RRN3: variants seen among roughly 807,000 people sequenced by gnomAD.
RRN3 encodes the protein RNA polymerase I-specific transcription initiation factor RRN3.
Under a neutral mutation model 82.3 loss-of-function variants are expected in RRN3, and 38 were observed. That is an observed-to-expected ratio of 0.46 (90% CI 0.36 to 0.61). RRN3 has a LOEUF of 0.61. Among genes scored for constraint, RRN3 ranks in the 20% least tolerant of loss-of-function variants. The pLI, the probability that RRN3 is intolerant of heterozygous loss-of-function variation, is 0.00. For synonymous variants in RRN3, 284 were observed against 284.3 expected, an observed-to-expected ratio of 1.00 and a Z score of 0.01; for missense variants, 726 against 793.1, an observed-to-expected ratio of 0.92 and a Z score of 1.02.
chr16:15,063,533 C>A (rs1490043209), intron 16 of RRN3, among the ~76,000 whole-genome samples: 1 of 151,582 alleles, frequency 6.6e-6, no homozygotes, highest in Admixed American at 6.6e-5. Flanking sequence ...ACGGTGAAAC[C>A]CCATCTCTAC....
chr16:15,062,298 CG>C (rs2044746997), intron 17 of RRN3, among the ~76,000 whole-genome samples: 1 of 152,162 alleles, frequency 6.6e-6, no homozygotes, highest in Admixed American at 6.5e-5. Flanking sequence ...GGAAACATGA[CG>C]AGTCATTCTT....
rs767771702 is a variant in RRN3 at position 15,085,603 on chromosome 16, C to T, written c.532+36G>A. 8.7e-6 allele frequency: 14 copies of T among 1,602,546 alleles called. No homozygotes were observed. The African/African-American group carries it at 9.4e-5, about 11-fold the overall frequency. ...AAAGTGCTGGGATTATGGGTGAAAG[C>T]TACTGTGCCCAGGCTTTAAACCTTT... is the stretch of plus-strand genomic sequence containing the variant. On this transcript the variant is annotated intron_variant, in intron 6 of 17. Coordinates refer to ENST00000198767, the MANE Select transcript of RRN3 (RefSeq NM_018427.5).
At chr16:15,093,340 A>G (rs1308149851) in intron 1 of RRN3, among the ~76,000 whole-genome samples, 2 of 152,210 alleles carry the variant, frequency 1.3e-5, no homozygotes, top group African/African-American at 4.8e-5. Flanking sequence ...AGCTCAAATG[A>G]CAGATGTCTT....
At chr16:15,076,678 T>G in intron 9 of RRN3, 28 bp from the exon 10 acceptor site, 2 of 1,437,896 alleles carry the variant, frequency 1.4e-6, no homozygotes, top group Non-Finnish European at 2.0e-6. Flanking sequence ...AAAAAAAGAA[T>G]AAAAGGATTT....
chr16:15,071,455 C>A (rs1273924614), intron 12 of RRN3, among the ~76,000 whole-genome samples: 1 of 152,140 alleles, frequency 6.6e-6, no homozygotes, highest in Non-Finnish European at 1.5e-5. Flanking sequence ...CAGTGGATCC[C>A]AAACCTAGCT....
intron 16 of RRN3, among the ~76,000 whole-genome samples, chr16:15,063,851 T>G (rs1047317435): frequency 6.6e-6 from 1 of 152,218 alleles, no homozygotes; most frequent in African/African-American, 2.4e-5. Flanking sequence ...TCCATTTTCA[T>G]GTGAAATTGT....
Position 15,061,770 on chromosome 16 carries a change from A to G in RRN3, c.1930T>C (p.Leu644=), listed in dbSNP as rs1159883441. 1.2e-6 allele frequency: 2 copies of G among 1,613,852 alleles called. No homozygotes were observed. The highest frequency in any genetic ancestry group is 1.7e-6 in the Non-Finnish European group (2 of 1,179,810). Residue 644 remains leucine, a synonymous_variant, in exon 18 of 18, where the codon TTG becomes CTG. Transcript: ENST00000198767. The part of the protein sequence containing the change: ...PSSSVGSPPV[L]YMQPSPL ...CAGAGGGGACTGGGTTGCATGTACA[A>G]CACGGGTGGGGAGCCCACACTACTT...
Position 15,083,564 on chromosome 16 carries a change from C to T in RRN3, c.615G>A (p.Met205Ile). The part of the protein sequence containing the change: ...RYVPSTPWFL[M>I]PILVEKFPFV... ...ATGGAAATTTTTCCACCAGTATTGG[C>T]ATGAGAAACCACGGTGTCCTATTTT... Residue 205 changes from methionine (M) to isoleucine (I), a missense_variant, in exon 8 of 18, where the codon ATG becomes ATA. Met to Ile is a conservative substitution (Grantham distance 10). Around this residue, in one of 4 missense-constraint regions of RRN3, gnomAD observed 344 missense variants for 394.5 expected, o/e 0.87. Transcript: ENST00000198767. 3 of 1,608,896 alleles carry T rather than the reference C, an allele frequency of 1.9e-6. No individual in the cohort carries two copies. The African/African-American group carries it at 4.0e-5, about 22-fold the overall frequency.
chr16:15,060,028 G>A, downstream of RRN3: 2 of 168,070 alleles, frequency 1.2e-5, no homozygotes, highest in Non-Finnish European at 2.6e-5. Context: ...GAAATTGAAA[G>A]AACATGTATT....
chr16:15,086,603 GA>G lies in RRN3; in HGVS notation c.253-150del, dbSNP rs2045924583. On this transcript the variant is annotated intron_variant, in intron 3 of 17. Coordinates refer to ENST00000198767, the MANE Select transcript of RRN3 (RefSeq NM_018427.5). ...GAACTCAAAACTGGGTATTAAAACA[GA>G]AAAAGATGTCACAATAAATTACTTA... 7 of 1,182,700 alleles carry G rather than the reference GA, an allele frequency of 5.9e-6. No individual in the cohort carries two copies. The South Asian group carries it at 9.5e-5, about 16-fold the overall frequency. 73.3% of individuals were successfully genotyped at this position (1,182,700 alleles called of 1,614,324 possible). A position where few individuals can be genotyped will look rare whatever the true frequency, so the allele number is the denominator to read the frequency against.
intron 8 of RRN3, among the ~76,000 whole-genome samples, chr16:15,081,264 T>C (rs959829518): frequency 5.9e-5 from 9 of 152,220 alleles, no homozygotes; most frequent in African/African-American, 2.2e-4. Flanking sequence ...ACGTGTTAAT[T>C]CTACATTTAA....
chr16:15,083,140 TCACTAATCCCAG>T (rs1358054542), intron 8 of RRN3, among the ~76,000 whole-genome samples: 1 of 152,154 alleles, frequency 6.6e-6, no homozygotes, highest in Non-Finnish European at 1.5e-5. Context: ...GCACAGTGGT[TCACTAATCCCAG>T]CACTTTGGGA....
chr16:15,064,489 C>T (rs2941258), intron 16 of RRN3, among the ~76,000 whole-genome samples: 118,048 of 152,126 alleles, frequency 0.78, 47,058 homozygotes, highest in Admixed American at 0.87. Flanking sequence ...GTTTGTTTTT[C>T]GTTTATCCTG....
chr16:15,064,466 C>G (rs1383657650), intron 16 of RRN3, among the ~76,000 whole-genome samples: 1 of 152,150 alleles, frequency 6.6e-6, no homozygotes, highest in Non-Finnish European at 1.5e-5. Flanking sequence ...TGAGCCATTA[C>G]GCCCAGCCAA....
intron 11 of RRN3, among the ~76,000 whole-genome samples, 181 bp from the exon 12 acceptor site, chr16:15,073,261 G>T (rs1365851380): frequency 6.6e-6 from 1 of 152,130 alleles, no homozygotes; most frequent in African/African-American, 2.4e-5. Context: ...GAGTTCAAGG[G>T]CAGCCTGGGG....
chr16:15,086,570 C>T, intron 3 of RRN3, 116 bp from the exon 4 acceptor site: 2 of 1,472,356 alleles, frequency 1.4e-6, no homozygotes, highest in Non-Finnish European at 1.8e-6. Context: ...AGGTCACAAA[C>T]TTGGAAGGAA....
intron 8 of RRN3, among the ~76,000 whole-genome samples, chr16:15,080,534 A>G (rs2045656201): frequency 6.6e-6 from 1 of 152,150 alleles, no homozygotes; most frequent in Non-Finnish European, 1.5e-5. Flanking sequence ...TCCCAGGATA[A>G]GCAATCCTTC....
At chr16:15,084,789 G>A (rs932152387) in intron 6 of RRN3, 84 bp from the exon 7 acceptor site, 8 of 952,308 alleles carry the variant, frequency 8.4e-6, no homozygotes, top group Non-Finnish European at 1.4e-5. Context: ...ATGCTGGCTG[G>A]GCACAGTGGC....
chr16:15,063,721 AAG>A (rs2044826174), intron 16 of RRN3, among the ~76,000 whole-genome samples: 1 of 150,744 alleles, frequency 6.6e-6, no homozygotes, highest in Non-Finnish European at 1.5e-5. Context: ...AAAAAAAAAA[AAG>A]AAAAAAACAA....
Sources: allele counts gnomAD v4.1 joint callset (sites outside exome capture counted in the v4.1 genomes callset), GRCh38; gene constraint gnomAD v4.1.1; regional missense constraint gnomAD v4.1.1; transcripts MANE v1.5; gene names NCBI Gene and HGNC (gene_info 2026-07-23, HGNC 2026-07-21).